ZMYND11: variants seen among roughly 807,000 people sequenced by gnomAD.
The protein encoded by ZMYND11 is zinc finger MYND-type containing 11, also known as zinc finger MYND domain-containing protein 11.
Under a neutral mutation model 84.9 loss-of-function variants are expected in ZMYND11, and 9 were observed. That is an observed-to-expected ratio of 0.11 (90% confidence interval 0.06 to 0.18). The LOEUF (loss-of-function observed/expected upper bound fraction) is 0.18. Ranked by LOEUF, ZMYND11 falls within the 10% of genes least tolerant of loss-of-function variation. The pLI, the probability that ZMYND11 is intolerant of heterozygous loss-of-function variation, is 1.00. For synonymous variants in ZMYND11, 250 were observed against 244.1 expected, an observed-to-expected ratio of 1.02 and a Z score of -0.23; for missense variants, 409 against 761.0, an observed-to-expected ratio of 0.54 and a Z score of 5.44.
In ZMYND11 at chr10:242,088, A is replaced by G; in HGVS notation, c.899A>G (p.Gln300Arg). The G allele has an allele frequency of 6.2e-7, 1 of 1,614,122 alleles. No homozygotes were observed. Among genetic ancestry groups the G allele is most frequent in the East Asian group, 2.2e-5 (1 of 44,888 alleles). Residue 300 changes from glutamine (Q) to arginine (R), a missense_variant, in exon 10 of 15, where the codon CAG becomes CGG. Gln to Arg is a conservative substitution (Grantham distance 43). This residue lies in a region of ZMYND11 where 59 missense variants were observed against 151.0 expected (regional missense o/e 0.39). Transcript: ENST00000381604. Reference sequence around the variant, plus strand: ...GGGTTTTGGCCAGCCAAAGTCATGCAGAAAGAAGACAATCAAGTCGACGTT... The same window carrying G: ...GGGTTTTGGCCAGCCAAAGTCATGCGGAAAGAAGACAATCAAGTCGACGTT... ...GFGFWPAKVM[Q>R]KEDNQVDVRF...
chr10:180,277 A>G (rs1847571944), intron 2 of ZMYND11, 149 bp downstream of exon 2: 4 of 561,070 alleles, frequency 7.1e-6, no homozygotes, highest in Non-Finnish European at 9.3e-6. Flanking sequence ...TATTAGAAAA[A>G]CAAACACAGA....
At chr10:221,441 G>T in intron 4 of ZMYND11, 85 bp downstream of exon 4, 1 of 1,432,098 alleles carries the variant, frequency 7.0e-7, no homozygotes, top group Admixed American at 2.1e-5. Flanking sequence ...AGGTGGTCTT[G>T]CCAGGTGAAC....
At chr10:239,171 T>C (rs921225302) in intron 6 of ZMYND11, among the ~76,000 whole-genome samples, 1 of 152,234 alleles carries the variant, frequency 6.6e-6, no homozygotes. Flanking sequence ...AAATGAGATG[T>C]TCAAGCCATT....
intron 2 of ZMYND11, among the ~76,000 whole-genome samples, chr10:189,659 C>T (rs539608359): frequency 6.6e-6 from 1 of 152,258 alleles, no homozygotes; most frequent in Admixed American, 6.5e-5. Flanking sequence ...ATGCCAAATT[C>T]TTAGGACATT....
At chr10:201,617 A>G (rs989031795) in intron 2 of ZMYND11, among the ~76,000 whole-genome samples, 2 of 53,924 alleles carry the variant, frequency 3.7e-5, no homozygotes, top group African/African-American at 1.6e-4. Context: ...TTATATATAT[A>G]TGTATTCGTC....
chr10:228,944 GTGTGTGTA>G (rs1389735768), intron 4 of ZMYND11, among the ~76,000 whole-genome samples: 21 of 152,292 alleles, frequency 1.4e-4, no homozygotes, highest in African/African-American at 4.6e-4. Flanking sequence ...TAGCAGGTGT[GTGTGTGTA>G]TGTGTGTACC....
intron 3 of ZMYND11, among the ~76,000 whole-genome samples, chr10:211,122 T>A (rs1463614764): frequency 6.6e-6 from 1 of 151,090 alleles, no homozygotes; most frequent in African/African-American, 2.4e-5. Context: ...AGCCCAGGAG[T>A]TTAGGGCTGC....
At chr10:179,937 C>T (rs1396659098) in intron 1 of ZMYND11, 57 bp from the exon 2 acceptor site, 1 of 1,045,282 alleles carries the variant, frequency 9.6e-7, no homozygotes, top group African/African-American at 1.6e-5. Context: ...CTCACTTATA[C>T]TGATAATTCA....
At chr10:210,619 C>T (rs1307512537) in intron 3 of ZMYND11, among the ~76,000 whole-genome samples, 1 of 152,254 alleles carries the variant, frequency 6.6e-6, no homozygotes, top group East Asian at 1.9e-4. Context: ...ATTCTCTTTA[C>T]GTTTTTACCT....
chr10:164,901 G>A (rs1468217765), intron 1 of ZMYND11, among the ~76,000 whole-genome samples: 3 of 152,084 alleles, frequency 2.0e-5, no homozygotes, highest in African/African-American at 7.2e-5. Flanking sequence ...ATTGGCTTAG[G>A]GTGGCAGGAA....
chr10:187,299 AG>A (rs1363829324), intron 2 of ZMYND11, among the ~76,000 whole-genome samples: 2 of 152,190 alleles, frequency 1.3e-5, no homozygotes, highest in East Asian at 3.9e-4. Flanking sequence ...AGGTACTGTA[AG>A]TTAGATAATC....
intron 3 of ZMYND11, among the ~76,000 whole-genome samples, chr10:215,118 A>G (rs1257739958): frequency 6.6e-6 from 1 of 152,242 alleles, no homozygotes; most frequent in Non-Finnish European, 1.5e-5. Flanking sequence ...GCACAAAGCT[A>G]GAATATTATT....
intron 4 of ZMYND11, among the ~76,000 whole-genome samples, chr10:229,396 A>G (rs1290538087): frequency 6.6e-6 from 1 of 152,140 alleles, no homozygotes; most frequent in African/African-American, 2.4e-5. Context: ...TATTTGTGAT[A>G]GCTTACAGGA....
chr10:211,567 C>T (rs967691036), intron 3 of ZMYND11, among the ~76,000 whole-genome samples: 2 of 152,162 alleles, frequency 1.3e-5, no homozygotes, highest in Admixed American at 1.3e-4. Context: ...ATAGCAACAG[C>T]TGTGATAAGG....
chr10:138,139 T>C (rs1417707459), intron 1 of ZMYND11, among the ~76,000 whole-genome samples: 1 of 148,494 alleles, frequency 6.7e-6, no homozygotes, highest in Non-Finnish European at 1.5e-5. Context: ...AGATGGAGTC[T>C]TGCTCTGTCG....
At chr10:237,368 C>T (rs950751328) in intron 5 of ZMYND11, among the ~76,000 whole-genome samples, 1 of 152,120 alleles carries the variant, frequency 6.6e-6, no homozygotes, top group South Asian at 2.1e-4. Flanking sequence ...ATTGGCCGGG[C>T]GCCGTGGCTC....
chr10:215,525 AC>A (rs1946045361), intron 3 of ZMYND11, among the ~76,000 whole-genome samples: 1 of 149,962 alleles, frequency 6.7e-6, no homozygotes, highest in South Asian at 2.1e-4. Flanking sequence ...ATATTATACT[AC>A]TTTTAAATAG....
intron 4 of ZMYND11, among the ~76,000 whole-genome samples, chr10:230,217 G>C (rs192512143): frequency 1.3e-5 from 2 of 152,250 alleles, no homozygotes; most frequent in East Asian, 3.9e-4. Flanking sequence ...GCTCACGCCT[G>C]TAATCCCAGC....
At chr10:197,946 G>A (rs1230727424) in intron 2 of ZMYND11, 1 of 651,494 alleles carries the variant, frequency 1.5e-6, no homozygotes, top group Non-Finnish European at 2.8e-6. Flanking sequence ...AACCTATGGT[G>A]ATTTTTACAT....
Sources: gnomAD v4.1 joint callset for allele counts (sites outside exome capture counted in the v4.1 genomes callset) on GRCh38, gnomAD v4.1.1 for gene constraint, gnomAD v4.1.1 regional missense constraint, MANE v1.5 for transcripts, NCBI Gene and HGNC (gene_info 2026-07-23, HGNC 2026-07-21) for gene names.